The following LDB2 variants were observed in gnomAD, a reference collection of about 807,000 sequenced individuals.
LDB2 encodes LIM domain-binding protein 2.
LDB2 carries 12 observed loss-of-function variants against 44.3 expected under a neutral mutation model. The ratio of observed to expected loss-of-function variants is 0.27; its 90% CI spans 0.17 to 0.44. The LOEUF (loss-of-function observed/expected upper bound fraction) is 0.44, where lower values mean the gene tolerates loss of function less well. LDB2 is among the 20% of genes least tolerant of loss of function. The pLI, the probability that LDB2 is intolerant of heterozygous loss-of-function variation, is 1.00. For missense variants in LDB2, 344 were observed against 473.5 expected (o/e 0.73, Z 2.54); for synonymous variants, 164 against 174.8 (o/e 0.94, Z 0.49).
intron 1 of LDB2, among the ~76,000 whole-genome samples, chr4:16,842,531 A>G (rs1786079720): frequency 6.6e-6 from 1 of 152,240 alleles, no homozygotes; most frequent in Non-Finnish European, 1.5e-5. Context: ...TTTAATATAC[A>G]CATTTATTAA....
intron 2 of LDB2, among the ~76,000 whole-genome samples, chr4:16,674,805 A>G (rs1745833482): frequency 6.6e-6 from 1 of 152,076 alleles, no homozygotes; most frequent in Non-Finnish European, 1.5e-5. Context: ...ACACACACAC[A>G]CATATACACA....
chr4:16,697,167 G>A (rs909217631), intron 2 of LDB2, among the ~76,000 whole-genome samples: 8 of 151,962 alleles, frequency 5.3e-5, no homozygotes, highest in Non-Finnish European at 1.5e-5. Context: ...GCTTACACCT[G>A]TAATCCCAGC....
At chr4:16,614,053 CT>C (rs1353006529) in intron 2 of LDB2, among the ~76,000 whole-genome samples, 6 of 152,170 alleles carry the variant, frequency 3.9e-5, no homozygotes, top group African/African-American at 1.4e-4. Context: ...CAGCATGATA[CT>C]TGTACCAAAA....
chr4:16,725,780 A>T (rs2152689382), intron 2 of LDB2, among the ~76,000 whole-genome samples: 1 of 152,068 alleles, frequency 6.6e-6, no homozygotes, highest in Non-Finnish European at 1.5e-5. Context: ...ACCAAAAGCA[A>T]GTGACAGTGG....
intron 1 of LDB2, among the ~76,000 whole-genome samples, chr4:16,779,765 C>G (rs1772758283): frequency 6.6e-6 from 1 of 152,212 alleles, no homozygotes; most frequent in East Asian, 1.9e-4. Flanking sequence ...TGCAGTGCTG[C>G]TGTCCAAGTG....
intron 2 of LDB2, among the ~76,000 whole-genome samples, chr4:16,752,830 T>C (rs1765740016): frequency 1.3e-5 from 2 of 151,314 alleles, no homozygotes; most frequent in Admixed American, 1.3e-4. Context: ...AGACTCAAAA[T>C]GAATCTGCGT....
At chr4:16,650,716 C>T (rs543328961) in intron 2 of LDB2, among the ~76,000 whole-genome samples, 67 of 152,308 alleles carry the variant, frequency 4.4e-4, no homozygotes, top group African/African-American at 1.4e-3. Flanking sequence ...GAGAGACACC[C>T]CCAAGACTAC....
At chr4:16,871,368 T>C (rs1716536835) in intron 1 of LDB2, among the ~76,000 whole-genome samples, 5 of 151,972 alleles carry the variant, frequency 3.3e-5, no homozygotes, top group Admixed American at 3.3e-4. Context: ...TTTAAGAAAG[T>C]GATGCAAAAA....
chr4:16,672,812 G>C (rs941239499), intron 2 of LDB2, among the ~76,000 whole-genome samples: 30 of 124,124 alleles, frequency 2.4e-4, no homozygotes, highest in South Asian at 2.3e-3. Context: ...AACTGCTTGC[G>C]TGCCTGCCTG....
At chr4:16,739,575 A>G (rs1762535145) in intron 2 of LDB2, among the ~76,000 whole-genome samples, 2 of 33,550 alleles carry the variant, frequency 6.0e-5, no homozygotes, top group Non-Finnish European at 1.1e-4. Flanking sequence ...GACAGAGGGA[A>G]AAAAAAAAAA....
At chr4:16,537,347 T>C (rs1246836344) in intron 5 of LDB2, among the ~76,000 whole-genome samples, 1 of 152,236 alleles carries the variant, frequency 6.6e-6, no homozygotes, top group Non-Finnish European at 1.5e-5. Flanking sequence ...TTCTTCCTTC[T>C]GGGTGAAAAC....
At position 16,508,689 on chromosome 4, in the gene LDB2, G is replaced by A. The variant is rs781672702; in HGVS notation, c.740-3C>T. ...TGTTGGTTGCCTTGTGGGTTCTGCT[G>A]CAATATGGAAAAGGGAAGAGGGATC... On this transcript the variant is annotated splice_polypyrimidine_tract_variant and splice_region_variant and intron_variant, in intron 6 of 7. Transcript: ENST00000304523. 23 of 1,613,062 alleles carry A rather than the reference G, an allele frequency of 1.4e-5. No individual in the cohort carries two copies. The highest frequency in any genetic ancestry group is 1.9e-5 in the Non-Finnish European group (22 of 1,179,490).
intron 5 of LDB2, among the ~76,000 whole-genome samples, chr4:16,585,151 C>T (rs1037934891): frequency 3.3e-5 from 5 of 152,288 alleles, no homozygotes; most frequent in Non-Finnish European, 5.9e-5. Flanking sequence ...TCAGTTGCTC[C>T]GCAAGAGAGC....
At chr4:16,781,283 T>C (rs1230429354) in intron 1 of LDB2, among the ~76,000 whole-genome samples, 2 of 152,354 alleles carry the variant, frequency 1.3e-5, no homozygotes, top group East Asian at 3.9e-4. Context: ...GCAGCTGTCA[T>C]GCGCGGCAGT....
chr4:16,834,027 C>A (rs1784492067), intron 1 of LDB2, among the ~76,000 whole-genome samples: 1 of 152,208 alleles, frequency 6.6e-6, no homozygotes, highest in Non-Finnish European at 1.5e-5. Flanking sequence ...CCAGAGAAAT[C>A]ATTTCTGGCC....
chr4:16,729,706 G>A (rs1324967642), intron 2 of LDB2, among the ~76,000 whole-genome samples: 2 of 152,032 alleles, frequency 1.3e-5, no homozygotes, highest in Non-Finnish European at 1.5e-5. Flanking sequence ...AAAATACACC[G>A]ACACATGAGC....
intron 1 of LDB2, among the ~76,000 whole-genome samples, chr4:16,774,866 A>G (rs796724017): frequency 6.6e-6 from 1 of 152,230 alleles, no homozygotes; most frequent in Non-Finnish European, 1.5e-5. Context: ...ATTGTTCACT[A>G]CAGCCAAGAA....
intron 2 of LDB2, among the ~76,000 whole-genome samples, chr4:16,706,778 A>G (rs1001470152): frequency 6.6e-6 from 1 of 152,198 alleles, no homozygotes; most frequent in African/African-American, 2.4e-5. Flanking sequence ...TACGTGTAGG[A>G]GCCAGCTGTG....
rs1561053393 is a variant in LDB2, at chr4:16,739,584, A to AT, written c.235+19573_235+19574insA. On this transcript the variant is annotated intron_variant, in intron 2 of 7. Coordinates refer to ENST00000304523, the MANE Select transcript of LDB2 (RefSeq NM_001290.5). ...CTCGGTGACAGAGGGAAAAAAAAAA[A>AT]AAAAAATATATATATATATATATAT... Among the ~76,000 whole-genome samples, 34 of 84,594 alleles carry AT rather than the reference A, an allele frequency of 4.0e-4. 5 individuals are homozygous for AT. Among genetic ancestry groups the AT allele is most frequent in the South Asian group, 3.6e-3 (10 of 2,768 alleles). 55.5% of individuals were successfully genotyped at this position (84,594 alleles called of 152,430 possible).
Sources: gnomAD v4.1 joint callset for allele counts (sites outside exome capture counted in the v4.1 genomes callset) on GRCh38, gnomAD v4.1.1 for gene constraint, MANE v1.5 for transcripts, NCBI Gene and HGNC (gene_info 2026-07-23, HGNC 2026-07-21) for gene names.